Variants in SMYD3 observed in about 807,000 individuals in gnomAD.
SMYD3 encodes the protein histone-lysine N-methyltransferase SMYD3.
Under a neutral mutation model 57.7 loss-of-function variants are expected in SMYD3, and 36 were observed. That is an observed-to-expected ratio of 0.62 (90% confidence interval 0.48 to 0.82). The LOEUF is 0.82. Among genes scored for constraint, SMYD3 ranks in the 40% least tolerant of loss-of-function variants. The pLI is 0.00. For synonymous variants in SMYD3, 211 were observed against 195.0 expected (o/e 1.08, Z -0.68); for missense variants, 515 against 538.8 (o/e 0.96, Z 0.44).
intron 8 of SMYD3, among the ~76,000 whole-genome samples, chr1:245,900,833 G>T (rs1347531774): frequency 6.6e-6 from 1 of 152,172 alleles, no homozygotes; most frequent in Admixed American, 6.5e-5. Flanking sequence ...TTCCAACCAA[G>T]GATGCTGGTG....
chr1:246,315,861 G>GATATA (rs2065147583), intron 5 of SMYD3, among the ~76,000 whole-genome samples: 4 of 152,062 alleles, frequency 2.6e-5, no homozygotes, highest in African/African-American at 9.7e-5. Flanking sequence ...CCCCAAACTC[G>GATATA]CCTGCTTACC....
Position 246,382,642 on chromosome 1 carries a change from G to C in SMYD3, c.165-27548C>G, listed in dbSNP as rs115954739. On this transcript the variant is annotated intron_variant, in intron 1 of 11. Transcript: ENST00000490107. The stretch of plus-strand genomic sequence containing the variant: ...AGACCCAGGGTCCAAGTCCACCCTG[G>C]TCAACCCTAGTGCCAGGTTGCCCCA... 8.3e-3 allele frequency among the ~76,000 whole-genome samples: 1,255 copies of C among 152,058 alleles called. 19 individuals are homozygous for C. The highest frequency in any genetic ancestry group is 0.028 in the African/African-American group (1,160 of 41,450).
intron 5 of SMYD3, among the ~76,000 whole-genome samples, chr1:246,082,706 T>G (rs1399247968): frequency 6.6e-6 from 1 of 152,160 alleles, no homozygotes; most frequent in East Asian, 1.9e-4. Context: ...GAAAGAGAGA[T>G]CAGACTGTTA....
At chr1:246,301,081 TA>T (rs1292915448) in intron 5 of SMYD3, among the ~76,000 whole-genome samples, 2 of 152,036 alleles carry the variant, frequency 1.3e-5, no homozygotes, top group African/African-American at 4.8e-5. Context: ...TGAAAAGTAT[TA>T]AAATACTACC....
chr1:246,383,521 CA>C (rs2148755494), intron 1 of SMYD3, among the ~76,000 whole-genome samples: 1 of 152,312 alleles, frequency 6.6e-6, no homozygotes, highest in East Asian at 1.9e-4. Flanking sequence ...AACAAAAAGC[CA>C]TATCTGAAAT....
chr1:246,499,214 C>G (rs917800508), intron 1 of SMYD3, among the ~76,000 whole-genome samples: 6 of 151,434 alleles, frequency 4.0e-5, no homozygotes, highest in Non-Finnish European at 7.4e-5. Context: ...TGAGGCAGGA[C>G]AATCGCTTGA....
intron 8 of SMYD3, among the ~76,000 whole-genome samples, chr1:245,876,175 A>G (rs371289897): frequency 6.6e-6 from 1 of 152,316 alleles, no homozygotes; most frequent in Non-Finnish European, 1.5e-5. Context: ...TTTAAGGGAT[A>G]CTGAGGGCTC....
chr1:246,002,491 TGTA>T, intron 5 of SMYD3, among the ~76,000 whole-genome samples: 1 of 68,668 alleles, frequency 1.5e-5, no homozygotes, highest in Non-Finnish European at 3.1e-5. Flanking sequence ...GCTAATTTTT[TGTA>T]TTTTTAGTAG....
intron 5 of SMYD3, among the ~76,000 whole-genome samples, chr1:246,106,244 G>A (rs2061116200): frequency 1.3e-5 from 2 of 152,172 alleles, no homozygotes; most frequent in South Asian, 2.1e-4. Flanking sequence ...TTTGCAACAG[G>A]AGAATCCTCC....
chr1:246,475,182 A>G (rs1232751876), intron 1 of SMYD3, among the ~76,000 whole-genome samples: 1 of 152,000 alleles, frequency 6.6e-6, no homozygotes, highest in Non-Finnish European at 1.5e-5. Context: ...AACACAAAAA[A>G]TTAGCCAGGC....
chr1:245,890,036 G>A (rs1210729050), intron 8 of SMYD3, among the ~76,000 whole-genome samples: 1 of 152,168 alleles, frequency 6.6e-6, no homozygotes, highest in Non-Finnish European at 1.5e-5. Context: ...ATGTGCAGAA[G>A]AATGAAACTA....
intron 5 of SMYD3, chr1:246,108,812 T>C (rs1365185980): frequency 6.6e-6 from 1 of 152,276 alleles, no homozygotes; most frequent in Non-Finnish European, 1.5e-5. Context: ...ACAACCACAC[T>C]AAACTCAGTA....
chr1:245,910,798 T>C (rs2054916510), intron 8 of SMYD3, among the ~76,000 whole-genome samples: 1 of 151,970 alleles, frequency 6.6e-6, no homozygotes, highest in African/African-American at 2.4e-5. Context: ...ATGAAACTAC[T>C]ATAAGAAAAC....
intron 5 of SMYD3, among the ~76,000 whole-genome samples, chr1:246,087,754 C>G (rs1252858847): frequency 6.6e-6 from 1 of 152,162 alleles, no homozygotes; most frequent in East Asian, 1.9e-4. Flanking sequence ...TCCAACACTG[C>G]TGTCATTACG....
At chr1:246,472,010 T>G (rs1293806107) in intron 1 of SMYD3, among the ~76,000 whole-genome samples, 1 of 152,164 alleles carries the variant, frequency 6.6e-6, no homozygotes, top group Non-Finnish European at 1.5e-5. Context: ...ATTAAAAGCA[T>G]GTAAGCATTC....
intron 5 of SMYD3, among the ~76,000 whole-genome samples, chr1:246,007,738 G>A (rs1256203469): frequency 6.6e-6 from 1 of 151,740 alleles, no homozygotes. Flanking sequence ...GATCACATGA[G>A]CCTGGGAGGT....
chr1:246,501,691 T>C (rs2068456706), intron 1 of SMYD3, among the ~76,000 whole-genome samples: 1 of 152,218 alleles, frequency 6.6e-6, no homozygotes, highest in Admixed American at 6.5e-5. Context: ...CCGTCCATCA[T>C]GCTAACCTAG....
At chr1:245,995,213 A>C (rs893076947) in intron 5 of SMYD3, among the ~76,000 whole-genome samples, 1 of 152,260 alleles carries the variant, frequency 6.6e-6, no homozygotes. Context: ...ATGCTTGTTA[A>C]AGTTACATAT....
At chr1:245,962,760 G>C (rs1246670126) in intron 5 of SMYD3, among the ~76,000 whole-genome samples, 2 of 126,376 alleles carry the variant, frequency 1.6e-5, no homozygotes, top group Admixed American at 1.8e-4. Flanking sequence ...CATCCATAGA[G>C]GAGAAACCAA....
Sources: gnomAD v4.1 joint callset for allele counts (sites outside exome capture counted in the v4.1 genomes callset) on GRCh38, gnomAD v4.1.1 for gene constraint, MANE v1.5 for transcripts, NCBI Gene and HGNC (gene_info 2026-07-23, HGNC 2026-07-21) for gene names.